Variants in NREP observed in about 807,000 individuals in gnomAD.
NREP encodes the protein neuronal regeneration-related protein.
In NREP, 5 loss-of-function variants were observed where a neutral mutation model predicts 8.6. The observed-to-expected ratio is 0.58, with a 90% CI of 0.30 to 1.22. The LOEUF is 1.22. Ranked by LOEUF, NREP falls within the 50% of genes most tolerant of loss-of-function variation. The pLI is 0.07. For synonymous variants in NREP, 27 were observed against 28.0 expected (o/e 0.96, Z 0.11); for missense variants, 86 against 82.5 (o/e 1.04, Z -0.17).
intron 2 of NREP, among the ~76,000 whole-genome samples, chr5:111,884,907 A>C (rs1298486124): frequency 6.6e-6 from 1 of 152,230 alleles, no homozygotes; most frequent in Non-Finnish European, 1.5e-5. Context: ...CCCTTTGAAA[A>C]CTGGCACACG....
chr5:111,783,109 A>G lies in NREP; in HGVS notation c.136-47602T>C, dbSNP rs924755968. ...TAAGAATGTTTCATTGTTCCACAGT[A>G]TCAGAAAGAAGCAACCCTCCAGACT... On this transcript the variant is annotated intron_variant, in intron 2 of 3. Coordinates refer to the NREP transcript ENST00000395634. 5.9e-5 allele frequency among the ~76,000 whole-genome samples: 9 copies of G among 152,222 alleles called. 3 individuals carry two copies. Among genetic ancestry groups the G allele is most frequent in the Admixed American group, 5.9e-4 (9 of 15,288 alleles).
At chr5:111,881,229 A>C (rs1400502286) in intron 2 of NREP, among the ~76,000 whole-genome samples, 1 of 152,190 alleles carries the variant, frequency 6.6e-6, no homozygotes, top group Non-Finnish European at 1.5e-5. Context: ...GATTGCTAGC[A>C]CAGCAGTCTG....
chr5:111,865,165 C>T (rs1753637183), intron 2 of NREP, among the ~76,000 whole-genome samples: 1 of 152,094 alleles, frequency 6.6e-6, no homozygotes, highest in South Asian at 2.1e-4. Flanking sequence ...CTTCATACCC[C>T]AGGATGGGAG....
intron 2 of NREP, among the ~76,000 whole-genome samples, chr5:111,788,320 A>G (rs1242761442): frequency 6.6e-6 from 1 of 152,216 alleles, no homozygotes; most frequent in African/African-American, 2.4e-5. Flanking sequence ...TATTCTCAAT[A>G]TCTTCATTAA....
chr5:111,855,575 G>A (rs1471994988), intron 2 of NREP, among the ~76,000 whole-genome samples: 1 of 152,160 alleles, frequency 6.6e-6, no homozygotes, highest in Non-Finnish European at 1.5e-5. Flanking sequence ...AGCCAGCAGG[G>A]CCCTGACTGA....
At chr5:111,787,522 A>C (rs1482277630) in intron 2 of NREP, among the ~76,000 whole-genome samples, 1 of 152,134 alleles carries the variant, frequency 6.6e-6, no homozygotes, top group Admixed American at 6.6e-5. Flanking sequence ...TGAGAGTTGG[A>C]GATATTCATA....
At chr5:111,736,798 T>G (rs1464096072) in intron 2 of NREP, among the ~76,000 whole-genome samples, 1 of 152,166 alleles carries the variant, frequency 6.6e-6, no homozygotes, top group Non-Finnish European at 1.5e-5. Context: ...GTCTTATCAT[T>G]AAACAAATGA....
At position 111,922,931 on chromosome 5, in the gene NREP, G is replaced by A. The variant is rs548673284; in HGVS notation, c.135+52343C>T. On this transcript the variant is annotated intron_variant, in intron 2 of 3. Coordinates refer to the NREP transcript ENST00000395634. Reference sequence around the variant, plus strand: ...AGGCTTTCGTGCTGCTGACTTGGCTGCCTGGTTGGCTAACTTATTTCCCTC... The same window carrying A: ...AGGCTTTCGTGCTGCTGACTTGGCTACCTGGTTGGCTAACTTATTTCCCTC... Among the ~76,000 whole-genome samples, 34 of 152,304 alleles carry A rather than the reference G, an allele frequency of 2.2e-4. No individual in the cohort carries two copies. The South Asian group carries it at 6.8e-3, about 31-fold the overall frequency.
At chr5:111,869,207 G>A (rs1452493699) in intron 2 of NREP, among the ~76,000 whole-genome samples, 1 of 152,196 alleles carries the variant, frequency 6.6e-6, no homozygotes, top group Non-Finnish European at 1.5e-5. Flanking sequence ...ACTCACACTA[G>A]TTGAGGAGAA....
At chr5:111,733,549 AT>A (rs961532831) in intron 3 of NREP, 13 of 151,962 alleles carry the variant, frequency 8.6e-5, no homozygotes, top group African/African-American at 2.7e-4. Context: ...AACTAAAGGA[AT>A]TTTAGGCTTC....
intron 2 of NREP, among the ~76,000 whole-genome samples, chr5:111,871,533 A>G (rs529575909): frequency 6.6e-6 from 1 of 152,266 alleles, no homozygotes; most frequent in South Asian, 2.1e-4. Flanking sequence ...CTAATAATAC[A>G]TTAATTGTAG....
At chr5:111,838,690 T>C (rs1752953723) in intron 2 of NREP, among the ~76,000 whole-genome samples, 1 of 152,036 alleles carries the variant, frequency 6.6e-6, no homozygotes, top group South Asian at 2.1e-4. Context: ...GATTATTTCC[T>C]TGAAATTCAT....
At chr5:111,746,639 G>C (rs748677927) in intron 2 of NREP, among the ~76,000 whole-genome samples, 1 of 152,098 alleles carries the variant, frequency 6.6e-6, no homozygotes, top group East Asian at 1.9e-4. Flanking sequence ...ATATTTCATA[G>C]GCAGTTTTTA....
intron 2 of NREP, among the ~76,000 whole-genome samples, chr5:111,781,163 T>A (rs1020636292): frequency 2.0e-5 from 3 of 152,142 alleles, no homozygotes; most frequent in Non-Finnish European, 2.9e-5. Context: ...CCACTTCTGA[T>A]AGGCCCCAGT....
chr5:111,879,834 A>G (rs1288195657), intron 2 of NREP, among the ~76,000 whole-genome samples: 1 of 152,122 alleles, frequency 6.6e-6, no homozygotes, highest in Non-Finnish European at 1.5e-5. Flanking sequence ...AGAAAGAGAG[A>G]GAGAGAAAAA....
intron 2 of NREP, among the ~76,000 whole-genome samples, chr5:111,787,358 T>C (rs543922462): frequency 2.4e-4 from 37 of 152,358 alleles, no homozygotes; most frequent in African/African-American, 8.9e-4. Flanking sequence ...CCAATTGTTA[T>C]TCCTAACAAT....
chr5:111,863,865 T>C (rs887604527), intron 2 of NREP, among the ~76,000 whole-genome samples: 3 of 152,164 alleles, frequency 2.0e-5, no homozygotes, highest in African/African-American at 4.8e-5. Flanking sequence ...TTCTTCTCCA[T>C]GTGGGACTGT....
chr5:111,806,673 G>T (rs1752149477), intron 2 of NREP, among the ~76,000 whole-genome samples: 1 of 152,132 alleles, frequency 6.6e-6, no homozygotes, highest in Non-Finnish European at 1.5e-5. Flanking sequence ...TTCTAGCCCT[G>T]ACTGTTTAGA....
At chr5:111,965,974 G>T (rs1756633457) in intron 2 of NREP, among the ~76,000 whole-genome samples, 1 of 152,190 alleles carries the variant, frequency 6.6e-6, no homozygotes, top group Non-Finnish European at 1.5e-5. Flanking sequence ...CAGGTTAACA[G>T]GCTGCAACCG....
Sources: gnomAD v4.1 joint callset for allele counts (sites outside exome capture counted in the v4.1 genomes callset) on GRCh38, gnomAD v4.1.1 for gene constraint, MANE v1.5 for transcripts, NCBI Gene and HGNC (gene_info 2026-07-23, HGNC 2026-07-21) for gene names.